UMAD1: variants seen among roughly 807,000 people sequenced by gnomAD.
The protein encoded by UMAD1 is UBAP1-MVB12-associated (UMA) domain containing 1.
UMAD1 carries 8 observed loss-of-function variants against 6.1 expected under a neutral mutation model. That is an observed-to-expected ratio of 1.30 (90% CI 0.76 to 2.35). The LOEUF (loss-of-function observed/expected upper bound fraction) is 2.35. UMAD1 is among the 30% of genes most tolerant of loss of function. UMAD1 has a pLI of 0.00. For missense variants in UMAD1, 130 were observed against 78.4 expected, an observed-to-expected ratio of 1.66 and a Z score of -2.49; for synonymous variants, 56 against 31.4, an observed-to-expected ratio of 1.78 and a Z score of -2.61.
chr7:7,687,562 T>C (rs1335666981), intron 2 of UMAD1, among the ~76,000 whole-genome samples: 1 of 152,324 alleles, frequency 6.6e-6, no homozygotes, highest in South Asian at 2.1e-4. Context: ...ATATGATCAG[T>C]CCACCAGAAA....
At chr7:7,813,270 C>G (rs1783058853) in intron 3 of UMAD1, among the ~76,000 whole-genome samples, 1 of 152,112 alleles carries the variant, frequency 6.6e-6, no homozygotes. Context: ...GGCTGGACAA[C>G]CTTGGCTCAC....
chr7:7,726,220 G>A (rs960039392), intron 2 of UMAD1, among the ~76,000 whole-genome samples: 16 of 152,136 alleles, frequency 1.1e-4, no homozygotes, highest in Non-Finnish European at 2.2e-4. Flanking sequence ...TCACTAACGG[G>A]TGACCTCAGC....
intron 2 of UMAD1, among the ~76,000 whole-genome samples, chr7:7,759,863 G>A (rs1292937280): frequency 6.6e-6 from 1 of 152,168 alleles, no homozygotes; most frequent in Non-Finnish European, 1.5e-5. Context: ...CTGGGAGACA[G>A]TCTGCCATAT....
intron 2 of UMAD1, among the ~76,000 whole-genome samples, chr7:7,787,393 A>G (rs1782481547): frequency 1.3e-5 from 2 of 152,234 alleles, no homozygotes; most frequent in Non-Finnish European, 1.5e-5. Flanking sequence ...ATTAAAAAAT[A>G]TATTGCAAGT....
At chr7:7,719,966 T>C (rs948647210) in intron 2 of UMAD1, among the ~76,000 whole-genome samples, 1 of 152,186 alleles carries the variant, frequency 6.6e-6, no homozygotes, top group Non-Finnish European at 1.5e-5. Flanking sequence ...AGTACTCAGT[T>C]TGACTTGGAC....
At chr7:7,691,368 TAAAC>T (rs1780168602) in intron 2 of UMAD1, among the ~76,000 whole-genome samples, 2 of 152,222 alleles carry the variant, frequency 1.3e-5, no homozygotes, top group South Asian at 2.1e-4. Flanking sequence ...TCAATTAAAA[TAAAC>T]CAAACATTAA....
chr7:7,693,558 C>G (rs1780232066), intron 2 of UMAD1, among the ~76,000 whole-genome samples: 2 of 152,146 alleles, frequency 1.3e-5, no homozygotes, highest in South Asian at 4.1e-4. Context: ...ACTAGAACTT[C>G]CAGTGTATCA....
At chr7:7,703,041 C>A (rs1256350525) in intron 2 of UMAD1, among the ~76,000 whole-genome samples, 1 of 152,204 alleles carries the variant, frequency 6.6e-6, no homozygotes, top group African/African-American at 2.4e-5. Context: ...TTCAGCTAGT[C>A]TTCTAGTTAG....
chr7:7,854,355 C>CAAAAAAA (rs34829393), intron 3 of UMAD1, among the ~76,000 whole-genome samples: 108 of 48,958 alleles, frequency 2.2e-3, no homozygotes, highest in Non-Finnish European at 2.6e-3. Flanking sequence ...AGCTCCATCT[C>CAAAAAAA]AAAAAAAAAA....
chr7:7,670,967 C>G lies in UMAD1; in HGVS notation c.-63-2342C>G, dbSNP rs554245985. Reference sequence around the variant, plus strand: ...ATTGTCTTCCATGCCATTGGCTTCACCCTGTTGGAATTTTTTCCTTTTCGG... The same window carrying G: ...ATTGTCTTCCATGCCATTGGCTTCAGCCTGTTGGAATTTTTTCCTTTTCGG... On this transcript the variant is annotated intron_variant, in intron 1 of 3. Transcript: ENST00000682710. Among the ~76,000 whole-genome samples, 3 of 152,224 alleles carry G rather than the reference C, an allele frequency of 2.0e-5. No homozygotes were observed. The East Asian group carries it at 5.8e-4, about 29-fold the overall frequency.
intron 2 of UMAD1, chr7:7,740,899 C>T (rs1466843323): frequency 6.6e-6 from 1 of 152,176 alleles, no homozygotes. Flanking sequence ...TGGGTCCAAA[C>T]CTATATAATG....
intron 2 of UMAD1, among the ~76,000 whole-genome samples, chr7:7,758,539 C>CTT (rs1781825887): frequency 3.5e-4 from 1 of 2,850 alleles, no homozygotes; most frequent in African/African-American, 6.1e-3. Context: ...GTGGAAGCTG[C>CTT]CTCTGCACCT....
At chr7:7,718,882 T>G (rs1780986426) in intron 2 of UMAD1, among the ~76,000 whole-genome samples, 1 of 148,262 alleles carries the variant, frequency 6.7e-6, no homozygotes. Flanking sequence ...CAGGGTGAAG[T>G]GGGGGAAATG....
chr7:7,758,163 C>G (rs997200753), intron 2 of UMAD1, among the ~76,000 whole-genome samples: 1 of 152,060 alleles, frequency 6.6e-6, no homozygotes, highest in South Asian at 2.1e-4. Context: ...TTCTGCCAAG[C>G]CTCCCAGTGT....
In UMAD1 at chr7:7,750,763, C is replaced by T. The variant is rs147711812; in HGVS notation, c.83-50907C>T. Among the ~76,000 whole-genome samples the T allele has an allele frequency of 2.7e-3, 409 of 152,256 alleles. 2 individuals are homozygous for T. The highest frequency in any genetic ancestry group is 8.1e-3 in the South Asian group (39 of 4,824). On this transcript the variant is annotated intron_variant, in intron 2 of 3. Coordinates refer to ENST00000682710, the MANE Select transcript of UMAD1 (RefSeq NM_001302348.2). The stretch of plus-strand genomic sequence containing the variant: ...TCAAAATCACACAGCTAGAACATGG[C>T]GGAGCTGAGATATAAACCCAGTCAG...
intron 2 of UMAD1, among the ~76,000 whole-genome samples, chr7:7,705,099 T>C (rs1056424147): frequency 2.0e-4 from 31 of 152,336 alleles, no homozygotes; most frequent in African/African-American, 7.2e-4. Flanking sequence ...AGGGAGCTCC[T>C]GTTCTGACAT....
At chr7:7,652,558 C>T (rs978843550) in intron 1 of UMAD1, among the ~76,000 whole-genome samples, 15 of 152,102 alleles carry the variant, frequency 9.9e-5, no homozygotes, top group Non-Finnish European at 1.6e-4. Context: ...GGACTTAGCA[C>T]CTTGCTTTGT....
chr7:7,663,012 A>G (rs1183455172), intron 1 of UMAD1, among the ~76,000 whole-genome samples: 1 of 83,966 alleles, frequency 1.2e-5, no homozygotes, highest in Non-Finnish European at 2.7e-5. Flanking sequence ...GCTTTGAAAA[A>G]GCCTTTTTTG....
intron 3 of UMAD1, among the ~76,000 whole-genome samples, chr7:7,824,266 T>C (rs991384328): frequency 6.6e-6 from 1 of 152,130 alleles, no homozygotes; most frequent in African/African-American, 2.4e-5. Context: ...TAACTACTTA[T>C]CAGATAAAAT....
Sources: gnomAD v4.1 joint callset for allele counts (sites outside exome capture counted in the v4.1 genomes callset) on GRCh38, gnomAD v4.1.1 for gene constraint, MANE v1.5 for transcripts, NCBI Gene and HGNC (gene_info 2026-07-23, HGNC 2026-07-21) for gene names.